The following DIAPH2 variants were observed in gnomAD, a reference collection of about 807,000 sequenced individuals.
DIAPH2 encodes protein diaphanous homolog 2.
A neutral mutation model predicts 92.7 loss-of-function variants in DIAPH2; 35 were observed. The observed-to-expected ratio is 0.38, with a 90% CI of 0.29 to 0.50. DIAPH2 has a LOEUF of 0.50. DIAPH2 is among the 20% of genes least tolerant of loss of function. The pLI is 0.94. For synonymous variants in DIAPH2, 301 were observed against 280.4 expected, an observed-to-expected ratio of 1.07 and a Z score of -0.73; for missense variants, 701 against 819.5, an observed-to-expected ratio of 0.86 and a Z score of 1.77.
intron 23 of DIAPH2, among the ~76,000 whole-genome samples, chrX:97,281,699 G>A (rs187019610): frequency 0.1 from 10,687 of 105,784 alleles, 593 homozygotes; most frequent in Admixed American, 0.18. Context: ...AGCCAAGACC[G>A]CACCACTGCA....
chrX:96,908,684 C>T (rs981313446), intron 5 of DIAPH2, among the ~76,000 whole-genome samples: 10 of 110,729 alleles, frequency 9.0e-5, no homozygotes, highest in Admixed American at 3.8e-4. Context: ...CTGCAACCTC[C>T]GTCTCCTGGG....
chrX:97,332,652 T>G (rs148124202), intron 23 of DIAPH2, among the ~76,000 whole-genome samples: 1 of 111,501 alleles, frequency 9.0e-6, no homozygotes, highest in South Asian at 3.7e-4. Flanking sequence ...GTCCAAAGAA[T>G]TCAGAAAATT....
At chrX:97,050,007 G>A (rs984367313) in intron 17 of DIAPH2, among the ~76,000 whole-genome samples, 5 of 111,216 alleles carry the variant, frequency 4.5e-5, no homozygotes, top group African/African-American at 1.6e-4. Flanking sequence ...AGACCAGCTT[G>A]TCAGATGTAT....
intron 26 of DIAPH2, among the ~76,000 whole-genome samples, chrX:97,554,065 A>T (rs1363990522): frequency 9.0e-6 from 1 of 111,639 alleles, no homozygotes; most frequent in Non-Finnish European, 1.9e-5. Flanking sequence ...ATTCATTTTC[A>T]TATTCTCCAG....
chrX:96,843,429 A>G (rs2064950216), intron 4 of DIAPH2, among the ~76,000 whole-genome samples: 1 of 111,952 alleles, frequency 8.9e-6, no homozygotes. Flanking sequence ...AGTTAGTAAG[A>G]CATGACTGTG....
intron 16 of DIAPH2, 122 bp from the exon 17 acceptor site, chrX:96,964,971 A>G (rs184258610): frequency 1.5e-6 from 1 of 689,493 alleles, no homozygotes; most frequent in Admixed American, 4.7e-5. Context: ...ATACATCCTG[A>G]AATTGACTTA....
Position 97,469,733 on chromosome X carries a change from C to A in DIAPH2, c.3241+39988C>A, listed in dbSNP as rs1393547756. 6 of 1,204,772 alleles carry A rather than the reference C, an allele frequency of 5.0e-6. No individual in the cohort carries two copies. In the East Asian group the frequency reaches 1.2e-4, roughly 24 times the overall value. On this transcript the variant is annotated intron_variant, in intron 26 of 26. Coordinates refer to ENST00000324765, the MANE Select transcript of DIAPH2 (RefSeq NM_006729.5). The stretch of plus-strand genomic sequence containing the variant: ...TGTGCAACAAGGGCTAATCCAAGAT[C>A]AGCTACATAAACGGCCTGAGTGCTG...
At chrX:97,079,932 T>C (rs780340719) in intron 19 of DIAPH2, among the ~76,000 whole-genome samples, 2 of 110,910 alleles carry the variant, frequency 1.8e-5, no homozygotes, top group Non-Finnish European at 3.8e-5. Flanking sequence ...ATAGTTATTT[T>C]TCTATAGTTT....
chrX:97,016,647 T>C (rs1477536245), intron 17 of DIAPH2, among the ~76,000 whole-genome samples: 1 of 112,167 alleles, frequency 8.9e-6, no homozygotes, highest in East Asian at 2.8e-4. Context: ...AATGGAGTGC[T>C]ATTGATACCT....
At chrX:97,096,010 A>C (rs971044383) in intron 19 of DIAPH2, among the ~76,000 whole-genome samples, 2 of 112,234 alleles carry the variant, frequency 1.8e-5, no homozygotes, top group Non-Finnish European at 3.8e-5. Flanking sequence ...TATTTGAAAA[A>C]AAAATATGCA....
chrX:97,129,107 TTTTC>T (rs1245082811), intron 21 of DIAPH2, among the ~76,000 whole-genome samples: 2 of 69,763 alleles, frequency 2.9e-5, no homozygotes, highest in Non-Finnish European at 5.1e-5. Flanking sequence ...TTTTCTTTTC[TTTTC>T]TTTTCTTTTC....
intron 26 of DIAPH2, among the ~76,000 whole-genome samples, chrX:97,569,746 T>G (rs1057332785): frequency 4.5e-5 from 5 of 110,426 alleles, no homozygotes; most frequent in African/African-American, 1.6e-4. Flanking sequence ...ATGATCATGG[T>G]CTGTCATGCT....
At chrX:96,947,890 G>T (rs1256483960) in intron 14 of DIAPH2, among the ~76,000 whole-genome samples, 1 of 112,218 alleles carries the variant, frequency 8.9e-6, no homozygotes, top group Non-Finnish European at 1.9e-5. Flanking sequence ...CTGGAAATAT[G>T]CAGGCAGGTT....
chrX:97,301,406 G>C (rs2068704801), intron 23 of DIAPH2, among the ~76,000 whole-genome samples: 1 of 110,974 alleles, frequency 9.0e-6, no homozygotes. Context: ...TAAACTGTTT[G>C]TTTATAACAA....
At chrX:97,387,995 A>AT (rs371056842) in intron 25 of DIAPH2, among the ~76,000 whole-genome samples, 1 of 112,074 alleles carries the variant, frequency 8.9e-6, no homozygotes, top group African/African-American at 3.2e-5. Flanking sequence ...TAAACTAACC[A>AT]TATCGGCTTG....
chrX:97,007,421 T>C (rs2066190517), intron 17 of DIAPH2, among the ~76,000 whole-genome samples: 1 of 111,526 alleles, frequency 9.0e-6, no homozygotes, highest in Admixed American at 9.5e-5. Flanking sequence ...TTGAAGGATA[T>C]TTTCTCTGGA....
chrX:97,200,834 T>G (rs1022461527), intron 22 of DIAPH2, among the ~76,000 whole-genome samples: 1 of 111,852 alleles, frequency 8.9e-6, no homozygotes, highest in Non-Finnish European at 1.9e-5. Context: ...AGGCTCAGTC[T>G]GCCTCCTCAG....
At chrX:97,510,831 G>A (rs1375808994) in intron 26 of DIAPH2, among the ~76,000 whole-genome samples, 3 of 97,049 alleles carry the variant, frequency 3.1e-5, no homozygotes, top group Non-Finnish European at 4.2e-5. Context: ...GATATGCGGC[G>A]TTATTTCTGA....
intron 25 of DIAPH2, among the ~76,000 whole-genome samples, chrX:97,416,444 C>T (rs2069947915): frequency 8.9e-6 from 1 of 112,272 alleles, no homozygotes; most frequent in Non-Finnish European, 1.9e-5. Context: ...TTCCAAAAGG[C>T]TGTTCTGTGC....
Sources: gnomAD v4.1 joint callset for allele counts (sites outside exome capture counted in the v4.1 genomes callset) on GRCh38, gnomAD v4.1.1 for gene constraint, MANE v1.5 for transcripts, NCBI Gene and HGNC (gene_info 2026-07-23, HGNC 2026-07-21) for gene names.